FSTL5: variants seen among roughly 807,000 people sequenced by gnomAD.
FSTL5 encodes follistatin like 5.
A neutral mutation model predicts 89.1 loss-of-function variants in FSTL5; 62 were observed. The observed-to-expected ratio is 0.70, with a 90% CI of 0.57 to 0.86. The LOEUF (loss-of-function observed/expected upper bound fraction) is 0.86, where lower values mean the gene tolerates loss of function less well. Ranked by LOEUF, FSTL5 falls within the 40% of genes least tolerant of loss-of-function variation. The probability of loss-of-function intolerance (pLI) is 0.00; values close to 1 mark genes in which losing one functional copy is unlikely to be tolerated. For missense variants in FSTL5, 1,057 were observed against 1,001.6 expected (o/e 1.06, Z -0.75); for synonymous variants, 383 against 346.2 (o/e 1.11, Z -1.18).
chr4:161,503,906 A>C (rs1730387574), intron 11 of FSTL5, among the ~76,000 whole-genome samples: 1 of 151,702 alleles, frequency 6.6e-6, no homozygotes, highest in South Asian at 2.1e-4. Context: ...TGTTTTCCTA[A>C]TACTACTAAG....
chr4:161,684,536 T>A (rs1329346003), intron 6 of FSTL5, among the ~76,000 whole-genome samples: 1 of 152,254 alleles, frequency 6.6e-6, no homozygotes, highest in Non-Finnish European at 1.5e-5. Context: ...TGAGCATTTT[T>A]TCATATGTTT....
intron 8 of FSTL5, among the ~76,000 whole-genome samples, chr4:161,550,304 C>A (rs1224783968): frequency 6.6e-6 from 1 of 151,834 alleles, no homozygotes; most frequent in African/African-American, 2.4e-5. Context: ...TGACAAGGAG[C>A]AAAACCAAGT....
At chr4:161,925,735 A>C (rs1197926715) in intron 3 of FSTL5, among the ~76,000 whole-genome samples, 1 of 151,848 alleles carries the variant, frequency 6.6e-6, no homozygotes, top group East Asian at 1.9e-4. Flanking sequence ...TGGTACATAG[A>C]ACATATTGAC....
At chr4:161,779,785 A>ATATATATATATATG (rs1741571165) in intron 4 of FSTL5, among the ~76,000 whole-genome samples, 1 of 44,304 alleles carries the variant, frequency 2.3e-5, no homozygotes, top group Non-Finnish European at 3.5e-5. Flanking sequence ...GTATATATAT[A>ATATATATATATATG]TATATATATA....
rs187181604 is a variant in FSTL5, at chr4:162,159,697, A to G, written c.-17+3918T>C. Among the ~76,000 whole-genome samples the G allele has an allele frequency of 1.2e-3, 178 of 152,088 alleles. 2 individuals are homozygous for G. Among genetic ancestry groups the G allele is most frequent in the Middle Eastern group, 0.01 (3 of 294 alleles). ...ATTATCTGAAGATTTGTAGGAAGTA[A>G]ACTTGATGTTTTACTTTTATAGATT... is the stretch of plus-strand genomic sequence containing the variant. On this transcript the variant is annotated intron_variant, in intron 1 of 15. Transcript: ENST00000306100.
At chr4:161,992,222 G>A (rs1217691575) in intron 3 of FSTL5, among the ~76,000 whole-genome samples, 1 of 152,174 alleles carries the variant, frequency 6.6e-6, no homozygotes, top group Non-Finnish European at 1.5e-5. Flanking sequence ...TATCTGAATG[G>A]CTCTGGCTAC....
intron 6 of FSTL5, among the ~76,000 whole-genome samples, chr4:161,718,740 T>G (rs1476004008): frequency 1.3e-5 from 2 of 152,138 alleles, no homozygotes; most frequent in Non-Finnish European, 2.9e-5. Context: ...AAATACACAT[T>G]TTAATATAAA....
chr4:161,855,096 G>GAAATGTGGC (rs1293701001), intron 4 of FSTL5, among the ~76,000 whole-genome samples: 1 of 146,080 alleles, frequency 6.8e-6, no homozygotes, highest in Non-Finnish European at 1.5e-5. Context: ...AATATTCTCA[G>GAAATGTGGC]AAATGTGGCT....
intron 7 of FSTL5, among the ~76,000 whole-genome samples, chr4:161,618,170 T>C (rs1438921777): frequency 7.0e-6 from 1 of 142,728 alleles, no homozygotes; most frequent in Non-Finnish European, 1.5e-5. Flanking sequence ...TGTACATTGA[T>C]TTTGTATCCT....
At chr4:161,745,040 T>C (rs1375571904) in intron 6 of FSTL5, among the ~76,000 whole-genome samples, 1 of 151,234 alleles carries the variant, frequency 6.6e-6, no homozygotes, top group Non-Finnish European at 1.5e-5. Context: ...AAAAAAGAAA[T>C]ACTTTCCTAA....
At chr4:161,513,272 G>GGGGAGAGAGAGAGA (rs1349844190) in intron 10 of FSTL5, among the ~76,000 whole-genome samples, 2 of 109,978 alleles carry the variant, frequency 1.8e-5, no homozygotes, top group East Asian at 3.0e-4. Context: ...ACAAGGAGGG[G>GGGGAGAGAGAGAGA]GAGAGAGAGA....
chr4:161,491,926 A>C (rs561809776), intron 12 of FSTL5, among the ~76,000 whole-genome samples: 20 of 151,974 alleles, frequency 1.3e-4, no homozygotes, highest in African/African-American at 4.6e-4. Flanking sequence ...TTCAGGCAAT[A>C]TAGTTCTGCT....
At chr4:161,986,801 G>A (rs575954485) in intron 3 of FSTL5, among the ~76,000 whole-genome samples, 5 of 152,116 alleles carry the variant, frequency 3.3e-5, no homozygotes, top group East Asian at 1.9e-4. Flanking sequence ...CATGTTTGAC[G>A]TTGATGGCTC....
intron 5 of FSTL5, among the ~76,000 whole-genome samples, chr4:161,774,971 AG>A (rs1176980844): frequency 6.6e-6 from 1 of 152,206 alleles, no homozygotes; most frequent in Admixed American, 6.5e-5. Flanking sequence ...AATTTTAATT[AG>A]TTTGAATGAT....
At chr4:161,951,095 T>C (rs1734881613) in intron 3 of FSTL5, among the ~76,000 whole-genome samples, 1 of 151,862 alleles carries the variant, frequency 6.6e-6, no homozygotes, top group East Asian at 1.9e-4. Context: ...CATCTGATGG[T>C]TTTATAAAGG....
intron 10 of FSTL5, among the ~76,000 whole-genome samples, chr4:161,535,553 C>G (rs1731577604): frequency 6.6e-6 from 1 of 151,994 alleles, no homozygotes; most frequent in Non-Finnish European, 1.5e-5. Flanking sequence ...GCACACCAGT[C>G]AGAATGGCTA....
intron 4 of FSTL5, among the ~76,000 whole-genome samples, chr4:161,804,558 T>A (rs1729900705): frequency 6.6e-6 from 1 of 151,888 alleles, no homozygotes; most frequent in African/African-American, 2.4e-5. Context: ...TAAAAAACTA[T>A]CATACTTTCC....
At chr4:161,896,230 T>C (rs1733152747) in intron 4 of FSTL5, among the ~76,000 whole-genome samples, 1 of 152,194 alleles carries the variant, frequency 6.6e-6, no homozygotes, top group South Asian at 2.1e-4. Context: ...CATTATTTAA[T>C]TAATGTTAAA....
chr4:161,391,127 C>CA (rs1421225142), intron 15 of FSTL5, among the ~76,000 whole-genome samples: 3 of 152,132 alleles, frequency 2.0e-5, no homozygotes, highest in East Asian at 3.9e-4. Flanking sequence ...ACATCTAAAA[C>CA]AAAAGCATTT....
Sources: gnomAD v4.1 joint callset for allele counts (sites outside exome capture counted in the v4.1 genomes callset) on GRCh38, gnomAD v4.1.1 for gene constraint, MANE v1.5 for transcripts, NCBI Gene and HGNC (gene_info 2026-07-23, HGNC 2026-07-21) for gene names.